NALCN: variants seen among roughly 807,000 people sequenced by gnomAD.
NALCN encodes the protein sodium leak channel NALCN.
A neutral mutation model predicts 225.3 loss-of-function variants in NALCN; 111 were observed. The ratio of observed to expected loss-of-function variants is 0.49; its 90% CI spans 0.42 to 0.58. The LOEUF is 0.58. Among genes scored for constraint, NALCN ranks in the 20% least tolerant of loss-of-function variants. NALCN has a pLI of 0.00. For synonymous variants in NALCN, 764 were observed against 769.0 expected, an observed-to-expected ratio of 0.99 and a Z score of 0.11; for missense variants, 1,378 against 2,202.4, an observed-to-expected ratio of 0.63 and a Z score of 7.49.
At chr13:101,213,044 C>A (rs2040587739) in intron 13 of NALCN, among the ~76,000 whole-genome samples, 1 of 152,070 alleles carries the variant, frequency 6.6e-6, no homozygotes, top group Admixed American at 6.6e-5. Context: ...TGACTTCAAA[C>A]TATACTATAA....
Position 101,083,197 on chromosome 13 carries a change from A to G in NALCN, c.3585T>C (p.Asp1195=). 1 of 1,613,476 alleles carries G rather than the reference A, an allele frequency of 6.2e-7. No individual in the cohort carries two copies. The highest frequency in any genetic ancestry group is 8.5e-7 in the Non-Finnish European group (1 of 1,179,532). Residue 1195 remains aspartate (D), a splice_region_variant and synonymous_variant, in exon 32 of 44, where the codon GAT becomes GAC. Transcript: ENST00000251127. The stretch of plus-strand genomic sequence containing the variant: ...ACATTTTAGCTCTAAAACCATCATT[A>G]TCTAGAAAAGAAAGGTTTGGGCAAG... The part of the protein sequence containing the change: ...AQPLHLPPRP[D]NDGFRAKMYD...
At chr13:101,208,638 C>T (rs2040411598) in intron 13 of NALCN, among the ~76,000 whole-genome samples, 1 of 152,182 alleles carries the variant, frequency 6.6e-6, no homozygotes, top group Admixed American at 6.6e-5. Flanking sequence ...GTGGGGCCTG[C>T]TGGGAGGTGT....
intron 39 of NALCN, 28 bp downstream of exon 39, chr13:101,067,890 G>A: frequency 6.9e-7 from 1 of 1,440,286 alleles, no homozygotes; most frequent in African/African-American, 1.4e-5. Flanking sequence ...TTTGAGGTGA[G>A]GCATGAAACA....
intron 7 of NALCN, among the ~76,000 whole-genome samples, chr13:101,331,658 C>T (rs1041382719): frequency 2.0e-5 from 3 of 152,026 alleles, no homozygotes; most frequent in African/African-American, 7.2e-5. Context: ...AGGAAGAAGC[C>T]GAGCCCCTGC....
chr13:101,097,692 G>A (rs926441125), intron 27 of NALCN, among the ~76,000 whole-genome samples: 22 of 152,128 alleles, frequency 1.4e-4, no homozygotes, highest in Non-Finnish European at 2.6e-4. Context: ...GTACTTTGTG[G>A]GCACTAGGAT....
At chr13:101,394,575 T>C (rs568457705) in intron 3 of NALCN, among the ~76,000 whole-genome samples, 6 of 152,310 alleles carry the variant, frequency 3.9e-5, no homozygotes, top group African/African-American at 1.4e-4. Flanking sequence ...GGAAAAGATA[T>C]CCAGTGACAG....
chr13:101,292,504 T>C lies in NALCN; in HGVS notation c.800-138A>G. ...GCTTCAAAAATTGATTAGAATCACA[T>C]GCAACACATTTTACTGTTCTCTTAA... On this transcript the variant is annotated intron_variant, in intron 7 of 43. Coordinates refer to ENST00000251127, the MANE Select transcript of NALCN (RefSeq NM_052867.4). The surrounding 1 kb of genome is among the most constrained non-coding windows in gnomAD (Gnocchi z 4.3). 1 of 856,768 alleles carries C rather than the reference T, an allele frequency of 1.2e-6. No individual in the cohort carries two copies. Among genetic ancestry groups the C allele is most frequent in the Non-Finnish European group, 1.7e-6 (1 of 582,380 alleles). The allele number at this position is 856,768 out of a possible 1,614,324, so 53.1% of individuals were successfully genotyped here. A position where few individuals can be genotyped will look rare whatever the true frequency, so the allele number is the denominator to read the frequency against.
At chr13:101,059,647 T>A (rs1470395334) in intron 42 of NALCN, among the ~76,000 whole-genome samples, 171 bp downstream of exon 42, 1 of 150,696 alleles carries the variant, frequency 6.6e-6, no homozygotes, top group African/African-American at 2.4e-5. Flanking sequence ...GACATAGACA[T>A]AATCTGGATC....
intron 6 of NALCN, among the ~76,000 whole-genome samples, chr13:101,355,823 A>G (rs1161832934): frequency 1.3e-5 from 2 of 152,322 alleles, no homozygotes; most frequent in East Asian, 1.9e-4. Flanking sequence ...AGCAAATGCA[A>G]AAGAACTGAA....
chr13:101,142,078 T>G lies in NALCN; in HGVS notation c.2118+1002A>C, dbSNP rs865850478. 3.3e-5 allele frequency among the ~76,000 whole-genome samples: 5 copies of G among 152,066 alleles called. No individual in the cohort carries two copies. In the South Asian group the frequency reaches 1.0e-3, roughly 32 times the overall value. On this transcript the variant is annotated intron_variant, in intron 17 of 43. Transcript: ENST00000251127. ...ATATATACACACATATACATTTATATGTCTATGTGTGTATATATAAATATG... is the reference window on the plus strand; with the variant it reads ...ATATATACACACATATACATTTATAGGTCTATGTGTGTATATATAAATATG...
In NALCN at chr13:101,103,294, C is replaced by T; in HGVS notation, c.2935G>A (p.Glu979Lys). The T allele has an allele frequency of 6.2e-7, 1 of 1,613,818 alleles. No individual in the cohort carries two copies. The highest frequency in any genetic ancestry group is 8.5e-7 in the Non-Finnish European group (1 of 1,179,826). Reference sequence around the variant, plus strand: ...ACCATTAGAAGCTGAGCTCCCGATTCAGCAGGTACATTTTGAGGCATCCAA... The same window carrying T: ...ACCATTAGAAGCTGAGCTCCCGATTTAGCAGGTACATTTTGAGGCATCCAA... ...LCWMPQNVPA[E>K]SGAQLLMVLR... Residue 979 changes from glutamate (E) to lysine (K), a missense_variant, in exon 26 of 44, where the codon GAA becomes AAA. Around this residue, in one of 19 missense-constraint regions of NALCN, gnomAD observed 292 missense variants for 409.5 expected, o/e 0.71. Coordinates refer to ENST00000251127, the MANE Select transcript of NALCN (RefSeq NM_052867.4).
intron 20 of NALCN, among the ~76,000 whole-genome samples, chr13:101,109,638 C>T (rs1455926467): frequency 2.6e-5 from 4 of 152,224 alleles, no homozygotes; most frequent in African/African-American, 7.2e-5. Flanking sequence ...CATCCAGATT[C>T]AACCTAACGC....
At chr13:101,302,283 C>T (rs2139101861) in intron 7 of NALCN, among the ~76,000 whole-genome samples, 1 of 152,136 alleles carries the variant, frequency 6.6e-6, no homozygotes, top group African/African-American at 2.4e-5. Flanking sequence ...GGTCAGTCTA[C>T]CTCAGAAGAG....
At chr13:101,387,386 A>T (rs7491585) in intron 3 of NALCN, among the ~76,000 whole-genome samples, 74,331 of 152,008 alleles carry the variant, frequency 0.49, 18,826 homozygotes, top group African/African-American at 0.62. Flanking sequence ...AATATTTTAG[A>T]TGGAAATCAG....
chr13:101,254,370 C>CAAAAAAAAAAAAAAAAAAAAAAAAAAA, intron 11 of NALCN, among the ~76,000 whole-genome samples: 1 of 68,062 alleles, frequency 1.5e-5, no homozygotes, highest in Non-Finnish European at 2.5e-5. Context: ...GGGACTGTCT[C>CAAAAAAAAAAAAAAAAAAAAAAAAAAA]AAAAAAAAAA....
chr13:101,280,810 G>A (rs1386136674), intron 10 of NALCN, among the ~76,000 whole-genome samples: 1 of 151,256 alleles, frequency 6.6e-6, no homozygotes, highest in African/African-American at 2.4e-5. Context: ...GACCAGGCAT[G>A]TAGGTCTTTC....
rs1214505986 is a variant in NALCN at position 101,209,843 on chromosome 13, A to G, written c.1627-17789T>C. Among the ~76,000 whole-genome samples the G allele has an allele frequency of 3.3e-5, 5 of 152,266 alleles. No individual in the cohort carries two copies. The East Asian group carries it at 9.7e-4, about 29-fold the overall frequency. ...TTTGTCTAGAATGTTAACAGAATTC[A>G]CTTTTTGGTGGTTCATATTAATATG... On this transcript the variant is annotated intron_variant, in intron 13 of 43. Coordinates refer to ENST00000251127, the MANE Select transcript of NALCN (RefSeq NM_052867.4).
At chr13:101,208,966 G>A (rs549178361) in intron 13 of NALCN, among the ~76,000 whole-genome samples, 7 of 152,200 alleles carry the variant, frequency 4.6e-5, no homozygotes, top group South Asian at 4.2e-4. Flanking sequence ...ATAGCAATGC[G>A]TGTTTGCCCA....
intron 10 of NALCN, among the ~76,000 whole-genome samples, chr13:101,277,499 A>G (rs1275164078): frequency 1.3e-5 from 2 of 152,164 alleles, no homozygotes; most frequent in Non-Finnish European, 2.9e-5. Context: ...TCACCCAACC[A>G]AGTGCCTCCT....
Sources: gnomAD v4.1 joint callset for allele counts (sites outside exome capture counted in the v4.1 genomes callset) on GRCh38, gnomAD v4.1.1 for gene constraint, gnomAD v4.1.1 regional missense constraint, Gnocchi (gnomAD v3.1) non-coding constraint, MANE v1.5 for transcripts, NCBI Gene and HGNC (gene_info 2026-07-23, HGNC 2026-07-21) for gene names.